The following STK3 variants were observed in gnomAD, a reference collection of about 807,000 sequenced individuals.
STK3 encodes the protein serine/threonine-protein kinase 3.
Under a neutral mutation model 58.0 loss-of-function variants are expected in STK3, and 41 were observed. The ratio of observed to expected loss-of-function variants is 0.71; its 90% CI spans 0.55 to 0.92. The LOEUF is 0.92. STK3 is among the 40% of genes least tolerant of loss of function. The pLI is 0.00. For missense variants in STK3, 479 were observed against 602.7 expected (o/e 0.79, Z 2.15); for synonymous variants, 170 against 191.0 (o/e 0.89, Z 0.91).
chr8:98,648,913 C>T (rs992738356), intron 6 of STK3, among the ~76,000 whole-genome samples: 44 of 150,678 alleles, frequency 2.9e-4, no homozygotes, highest in Non-Finnish European at 1.6e-4. Context: ...AAAATTAGCC[C>T]GGGCATGGTG....
intron 10 of STK3, among the ~76,000 whole-genome samples, chr8:98,513,039 T>C (rs1047720592): frequency 6.6e-6 from 1 of 152,162 alleles, no homozygotes. Flanking sequence ...AATATTTCTG[T>C]AGAGAAAGAA....
At chr8:98,874,935 T>C (rs1837515301) in intron 3 of STK3, among the ~76,000 whole-genome samples, 1 of 151,968 alleles carries the variant, frequency 6.6e-6, no homozygotes, top group South Asian at 2.1e-4. Flanking sequence ...TTGTTTATGA[T>C]TTTTAAATAT....
At chr8:98,403,685 C>T (rs575685023) in intron 3 of STK3, among the ~76,000 whole-genome samples, 14 of 152,304 alleles carry the variant, frequency 9.2e-5, no homozygotes, top group African/African-American at 3.4e-4. Context: ...GTAGAGCAGG[C>T]TCCAGCCACA....
chr8:98,348,258 C>T, the STK3 span, among the ~76,000 whole-genome samples: 1 of 151,968 alleles, frequency 6.6e-6, no homozygotes, highest in South Asian at 2.1e-4. Context: ...AACAGTAGCT[C>T]AAAATGGATC....
At chr8:98,539,071 T>C (rs140342825) in intron 9 of STK3, among the ~76,000 whole-genome samples, 3 of 152,288 alleles carry the variant, frequency 2.0e-5, no homozygotes, top group African/African-American at 7.2e-5. Context: ...GAACAGTTTT[T>C]CATAAAAGAA....
rs1009441072 is a variant in STK3, at chr8:98,689,346, G to A, written c.684+17121C>T. ...CCTAATAAAACTATTACAAAAAATC[G>A]AAGAGGAGGGCCTCCTCCCTAACTC... On this transcript the variant is annotated intron_variant, in intron 6 of 10. Coordinates refer to ENST00000419617, the MANE Select transcript of STK3 (RefSeq NM_006281.4). Among the ~76,000 whole-genome samples, 6 of 151,994 alleles carry A rather than the reference G, an allele frequency of 3.9e-5. No individual in the cohort carries two copies. The East Asian group carries it at 5.8e-4, about 15-fold the overall frequency.
Position 98,524,784 on chromosome 8 carries a change from G to C in STK3, c.1317+1958C>G, listed in dbSNP as rs142089832. Among the ~76,000 whole-genome samples, 27 of 152,318 alleles carry C rather than the reference G, an allele frequency of 1.8e-4. No individual in the cohort carries two copies. In the East Asian group the frequency reaches 4.8e-3, roughly 27 times the overall value. On this transcript the variant is annotated intron_variant, in intron 10 of 10. Transcript: ENST00000419617. ...CACATTTGGGAAGTAATTTTAGAGA[G>C]AGTGTTCAGCCCCATTCAAGTCAGC...
intron 4 of STK3, among the ~76,000 whole-genome samples, chr8:98,743,222 C>A (rs1262484608): frequency 1.3e-4 from 18 of 141,892 alleles, no homozygotes; most frequent in Admixed American, 4.3e-4. Flanking sequence ...CAGAATTGGA[C>A]AAAAGTACTT....
intron 1 of STK3, among the ~76,000 whole-genome samples, chr8:98,893,462 G>A (rs1461342399): frequency 1.1e-5 from 1 of 89,862 alleles, no homozygotes; most frequent in African/African-American, 5.2e-5. Flanking sequence ...AAGAAAGAAA[G>A]AAAGAAAGAA....
chr8:98,917,228 A>G (rs1400316706), intron 1 of STK3, among the ~76,000 whole-genome samples: 2 of 152,254 alleles, frequency 1.3e-5, no homozygotes, highest in African/African-American at 4.8e-5. Context: ...GGCACTTAAC[A>G]AATATTTATA....
intron 6 of STK3, chr8:98,597,290 A>G (rs1815910546): frequency 2.0e-6 from 2 of 985,412 alleles, no homozygotes; most frequent in African/African-American, 3.5e-5. Context: ...CACAGCAGCA[A>G]AGACTCAATA....
intron 3 of STK3, among the ~76,000 whole-genome samples, chr8:98,859,545 T>C (rs193139754): frequency 6.2e-4 from 94 of 152,278 alleles, no homozygotes; most frequent in African/African-American, 2.1e-3. Context: ...TCTGTTGACA[T>C]TTAAAAAATC....
chr8:98,740,080 A>T (rs1829050460), intron 4 of STK3, among the ~76,000 whole-genome samples: 1 of 152,234 alleles, frequency 6.6e-6, no homozygotes, highest in South Asian at 2.1e-4. Context: ...GCCTCCAAGA[A>T]ATATGGGACT....
At chr8:98,613,279 A>G (rs1817342264) in intron 6 of STK3, among the ~76,000 whole-genome samples, 1 of 152,226 alleles carries the variant, frequency 6.6e-6, no homozygotes, top group Non-Finnish European at 1.5e-5. Context: ...CCAGTCTCAG[A>G]ATATAATGGG....
chr8:98,675,969 A>G (rs534948581), intron 6 of STK3, among the ~76,000 whole-genome samples: 7 of 152,358 alleles, frequency 4.6e-5, no homozygotes, highest in Admixed American at 1.3e-4. Context: ...GTTTCCATCA[A>G]TAGATGCACA....
chr8:98,761,091 A>G (rs1830587850), intron 3 of STK3, among the ~76,000 whole-genome samples: 1 of 151,882 alleles, frequency 6.6e-6, no homozygotes, highest in Non-Finnish European at 1.5e-5. Flanking sequence ...AAAATGGAAT[A>G]CTATTTGAAA....
intron 3 of STK3, among the ~76,000 whole-genome samples, chr8:98,422,259 C>CG (rs1818182625): frequency 6.6e-6 from 1 of 152,178 alleles, no homozygotes; most frequent in Non-Finnish European, 1.5e-5. Context: ...GCATTTGTAA[C>CG]GTGCAGCAAA....
chr8:98,574,648 C>T (rs1042828843), intron 8 of STK3, among the ~76,000 whole-genome samples: 82 of 152,272 alleles, frequency 5.4e-4, no homozygotes, highest in African/African-American at 1.8e-3. Flanking sequence ...AGAAACACTA[C>T]CAGCATTGAC....
intron 3 of STK3, among the ~76,000 whole-genome samples, chr8:98,421,802 A>T (rs1818177573): frequency 6.6e-6 from 1 of 152,116 alleles, no homozygotes; most frequent in Non-Finnish European, 1.5e-5. Flanking sequence ...ATAAAAAATT[A>T]ATTATTCCAG....
Sources: gnomAD v4.1 joint callset for allele counts (sites outside exome capture counted in the v4.1 genomes callset) on GRCh38, gnomAD v4.1.1 for gene constraint, MANE v1.5 for transcripts, NCBI Gene and HGNC (gene_info 2026-07-23, HGNC 2026-07-21) for gene names.